ESRRG: variants seen among roughly 807,000 people sequenced by gnomAD.
ESRRG encodes estrogen-related receptor gamma.
ESRRG carries 13 observed loss-of-function variants against 44.0 expected under a neutral mutation model. That is an observed-to-expected ratio of 0.30 (90% CI 0.19 to 0.47). The LOEUF (loss-of-function observed/expected upper bound fraction) is 0.47. ESRRG is among the 20% of genes least tolerant of loss of function. ESRRG has a pLI of 1.00. For synonymous variants in ESRRG, 215 were observed against 214.6 expected (o/e 1.00, Z -0.02); for missense variants, 395 against 580.6 (o/e 0.68, Z 3.29).
intron 1 of ESRRG, among the ~76,000 whole-genome samples, chr1:217,049,813 C>T (rs149213653): frequency 6.6e-6 from 1 of 152,192 alleles, no homozygotes; most frequent in African/African-American, 2.4e-5. Flanking sequence ...TTTCTGGCAG[C>T]CAGAAGAAAG....
chr1:216,927,462 G>T (rs2062745182), intron 2 of ESRRG, among the ~76,000 whole-genome samples: 1 of 152,178 alleles, frequency 6.6e-6, no homozygotes, highest in African/African-American at 2.4e-5. Flanking sequence ...TATCCCCAAG[G>T]ATGGATCCAA....
At position 216,693,623 on chromosome 1, in the gene ESRRG, C is replaced by T. The variant is rs771649602; in HGVS notation, c.57-16132G>A. On this transcript the variant is annotated intron_variant, in intron 1 of 6. Coordinates refer to ENST00000408911, the MANE Select transcript of ESRRG (RefSeq NM_001438.4). Reference sequence around the variant, plus strand: ...GGATTATTCGTAATACCTAATACAACGTAAATGCTACGTAAATAGTTGTTA... The same window carrying T: ...GGATTATTCGTAATACCTAATACAATGTAAATGCTACGTAAATAGTTGTTA... Among the ~76,000 whole-genome samples the T allele has an allele frequency of 2.4e-4, 37 of 152,244 alleles. 1 individual carries two copies. The highest frequency in any genetic ancestry group is 6.2e-4 in the South Asian group (3 of 4,822).
intron 2 of ESRRG, among the ~76,000 whole-genome samples, chr1:216,902,486 A>G (rs920963754): frequency 3.3e-5 from 5 of 151,852 alleles, no homozygotes; most frequent in Non-Finnish European, 7.4e-5. Flanking sequence ...TCGAAAAAAA[A>G]GAAAAAAAAA....
At position 216,750,822 on chromosome 1, in the gene ESRRG, A is replaced by T. The variant is rs973911848; in HGVS notation, c.-13-73331T>A. Among the ~76,000 whole-genome samples, 12 of 152,116 alleles carry T rather than the reference A, an allele frequency of 7.9e-5. No individual in the cohort carries two copies. The South Asian group carries it at 8.3e-4, about 10-fold the overall frequency. On this transcript the variant is annotated intron_variant, in intron 2 of 7. Transcript: ENST00000359162. ...AACTGTTTCACTTGAATCAAATGAG[A>T]TGCATCATCCATTTCCCTGATGTGC...
At chr1:216,710,791 C>T (rs1370595028) in intron 1 of ESRRG, among the ~76,000 whole-genome samples, 4 of 152,128 alleles carry the variant, frequency 2.6e-5, no homozygotes, top group Non-Finnish European at 4.4e-5. Flanking sequence ...CCCCGCTGCA[C>T]TGCATGCGCC....
At chr1:216,990,689 T>C (rs1579152068) in intron 1 of ESRRG, among the ~76,000 whole-genome samples, 1 of 152,304 alleles carries the variant, frequency 6.6e-6, no homozygotes, top group East Asian at 1.9e-4. Context: ...CTCTTCCTTA[T>C]GGTTTTCTTA....
At chr1:217,007,705 G>A (rs376603780) in intron 1 of ESRRG, among the ~76,000 whole-genome samples, 6 of 152,076 alleles carry the variant, frequency 3.9e-5, no homozygotes, top group Non-Finnish European at 8.8e-5. Context: ...TACTTGGACC[G>A]ACTGACTTCC....
chr1:216,692,844 C>G (rs1295150741), intron 1 of ESRRG, among the ~76,000 whole-genome samples: 4 of 152,202 alleles, frequency 2.6e-5, no homozygotes, highest in African/African-American at 9.6e-5. Context: ...CAGAAACATG[C>G]TGTACACATT....
intron 1 of ESRRG, among the ~76,000 whole-genome samples, chr1:217,032,035 C>A (rs1291745366): frequency 6.6e-6 from 1 of 152,158 alleles, no homozygotes. Flanking sequence ...GGAATTTTCC[C>A]CTTGCTAAGG....
At chr1:216,765,393 C>T (rs2093024937) in intron 2 of ESRRG, among the ~76,000 whole-genome samples, 1 of 152,030 alleles carries the variant, frequency 6.6e-6, no homozygotes, top group African/African-American at 2.4e-5. Flanking sequence ...CTCACAACAG[C>T]CTGATAAGGC....
intron 2 of ESRRG, among the ~76,000 whole-genome samples, chr1:216,894,069 A>G (rs559392167): frequency 6.6e-6 from 1 of 152,294 alleles, no homozygotes; most frequent in Admixed American, 6.5e-5. Flanking sequence ...CCTGACCTGG[A>G]ACAGAGGCAA....
At chr1:216,984,550 G>A (rs915777635) in intron 1 of ESRRG, among the ~76,000 whole-genome samples, 6 of 152,166 alleles carry the variant, frequency 3.9e-5, no homozygotes, top group African/African-American at 1.4e-4. Context: ...CTTACTAGAG[G>A]AAATGTTTAC....
intron 1 of ESRRG, among the ~76,000 whole-genome samples, chr1:216,977,538 G>A (rs1370001952): frequency 2.0e-5 from 3 of 152,148 alleles, no homozygotes; most frequent in Admixed American, 2.0e-4. Flanking sequence ...CTGAATAGAA[G>A]AAATAGAAGC....
intron 2 of ESRRG, among the ~76,000 whole-genome samples, chr1:216,894,597 C>T (rs1478178047): frequency 6.6e-6 from 1 of 152,064 alleles, no homozygotes; most frequent in Non-Finnish European, 1.5e-5. Context: ...CTCCTCCTTC[C>T]CTCCTAGCTG....
intron 3 of ESRRG, among the ~76,000 whole-genome samples, chr1:216,634,734 C>A (rs912296106): frequency 1.3e-5 from 2 of 152,068 alleles, no homozygotes; most frequent in Non-Finnish European, 2.9e-5. Context: ...CAGACAGGGG[C>A]GTGGATACAT....
chr1:217,049,560 T>C (rs966608982), intron 1 of ESRRG, among the ~76,000 whole-genome samples: 1 of 152,208 alleles, frequency 6.6e-6, no homozygotes, highest in Non-Finnish European at 1.5e-5. Context: ...GGCAGTCATA[T>C]AGCAGAGAAG....
chr1:216,553,964 C>T (rs1037579957), intron 5 of ESRRG, among the ~76,000 whole-genome samples: 21 of 152,016 alleles, frequency 1.4e-4, no homozygotes, highest in African/African-American at 5.1e-4. Flanking sequence ...GGCGTTATGA[C>T]CATTTAGCAT....
intron 2 of ESRRG, among the ~76,000 whole-genome samples, chr1:216,836,093 C>CA (rs34241468): frequency 0.29 from 28,424 of 97,480 alleles, 3,099 homozygotes; most frequent in Middle Eastern, 0.38. Flanking sequence ...GCTGCGATTT[C>CA]AAAAAAAAAA....
intron 5 of ESRRG, among the ~76,000 whole-genome samples, chr1:216,519,878 A>AT: frequency 6.6e-6 from 1 of 151,842 alleles, no homozygotes; most frequent in East Asian, 1.9e-4. Flanking sequence ...TAAACAAACA[A>AT]TTTAGGCCAT....
Sources: gnomAD v4.1 joint callset for allele counts (sites outside exome capture counted in the v4.1 genomes callset) on GRCh38, gnomAD v4.1.1 for gene constraint, MANE v1.5 for transcripts, NCBI Gene and HGNC (gene_info 2026-07-23, HGNC 2026-07-21) for gene names.